The following LRBA variants were observed in gnomAD, a reference collection of about 807,000 sequenced individuals.
LRBA encodes the protein lipopolysaccharide-responsive and beige-like anchor protein.
In LRBA, 176 loss-of-function variants were observed where a neutral mutation model predicts 330.0. The ratio of observed to expected loss-of-function variants is 0.53; its 90% CI spans 0.47 to 0.60. LRBA has a LOEUF of 0.60. LRBA is among the 20% of genes least tolerant of loss of function. LRBA has a pLI of 0.00. For synonymous variants in LRBA, 1,230 were observed against 1,193.0 expected (o/e 1.03, Z -0.64); for missense variants, 3,259 against 3,444.8 (o/e 0.95, Z 1.35).
chr4:150,453,744 G>A (rs183194466), intron 44 of LRBA, among the ~76,000 whole-genome samples: 329 of 152,160 alleles, frequency 2.2e-3, no homozygotes, highest in Non-Finnish European at 3.1e-3. Flanking sequence ...CCCCTCAAGT[G>A]ACCAGAGCTC....
At chr4:150,849,767 C>T (rs1272722319) in intron 24 of LRBA, among the ~76,000 whole-genome samples, 192 bp from the exon 25 acceptor site, 3 of 152,162 alleles carry the variant, frequency 2.0e-5, no homozygotes, top group Non-Finnish European at 2.9e-5. Context: ...TAGTTACTAT[C>T]CATGCCCTCC....
At chr4:150,678,103 A>C (rs944824684) in intron 37 of LRBA, among the ~76,000 whole-genome samples, 2 of 151,876 alleles carry the variant, frequency 1.3e-5, no homozygotes, top group Non-Finnish European at 2.9e-5. Context: ...TCAGCTTAGC[A>C]TGGGGCACAC....
chr4:150,425,065 C>A (rs562029429), intron 46 of LRBA, among the ~76,000 whole-genome samples: 1 of 152,140 alleles, frequency 6.6e-6, no homozygotes, highest in Non-Finnish European at 1.5e-5. Flanking sequence ...AGTAGAATTC[C>A]ATTTTAATAC....
chr4:150,715,533 G>A (rs971301483), intron 36 of LRBA, among the ~76,000 whole-genome samples: 1 of 152,094 alleles, frequency 6.6e-6, no homozygotes, highest in Non-Finnish European at 1.5e-5. Context: ...GCCAACAAAA[G>A]CAGACATTTA....
chr4:150,278,772 C>A (rs1286064043), intron 55 of LRBA, among the ~76,000 whole-genome samples: 2 of 152,100 alleles, frequency 1.3e-5, no homozygotes, highest in African/African-American at 4.8e-5. Flanking sequence ...TTGAATTTTT[C>A]ATGACACATG....
intron 37 of LRBA, among the ~76,000 whole-genome samples, chr4:150,680,582 A>G (rs1782964979): frequency 6.6e-6 from 1 of 152,238 alleles, no homozygotes; most frequent in Admixed American, 6.5e-5. Flanking sequence ...TCTACCAACT[A>G]TAACATGTTC....
chr4:150,400,658 A>G (rs947927934), intron 47 of LRBA, among the ~76,000 whole-genome samples: 1 of 152,140 alleles, frequency 6.6e-6, no homozygotes, highest in African/African-American at 2.4e-5. Context: ...GTTTGAGACC[A>G]GCCTGAGCAA....
chr4:150,581,482 T>C (rs1771322962), intron 40 of LRBA: 1 of 289,426 alleles, frequency 3.5e-6, no homozygotes, highest in Non-Finnish European at 6.9e-6. Context: ...CCCATTTGCC[T>C]TCAAGCCAAA....
chr4:150,739,838 A>G (rs1029557813), intron 35 of LRBA, among the ~76,000 whole-genome samples: 1 of 152,156 alleles, frequency 6.6e-6, no homozygotes, highest in African/African-American at 2.4e-5. Context: ...CCTGCCAACA[A>G]TCACATGATC....
At chr4:150,696,677 A>G (rs776041173) in intron 36 of LRBA, among the ~76,000 whole-genome samples, 8 of 152,120 alleles carry the variant, frequency 5.3e-5, no homozygotes, top group Non-Finnish European at 1.2e-4. Flanking sequence ...TATAGACAGT[A>G]TGTTTGGAAA....
At chr4:150,554,957 C>G (rs1581659316) in intron 40 of LRBA, among the ~76,000 whole-genome samples, 1 of 151,902 alleles carries the variant, frequency 6.6e-6, no homozygotes, top group African/African-American at 2.4e-5. Flanking sequence ...TTTTGGAAAG[C>G]CTAGAGATAC....
chr4:150,960,375 A>G (rs1738014508), intron 2 of LRBA, among the ~76,000 whole-genome samples: 1 of 149,040 alleles, frequency 6.7e-6, no homozygotes, highest in Non-Finnish European at 1.5e-5. Context: ...AAACTACACC[A>G]TGAATATGCA....
At chr4:150,857,833 T>C (rs1311960582) in intron 22 of LRBA, among the ~76,000 whole-genome samples, 6 of 152,186 alleles carry the variant, frequency 3.9e-5, no homozygotes, top group African/African-American at 7.2e-5. Context: ...TCTGATAACA[T>C]TCAAATGTTA....
intron 40 of LRBA, among the ~76,000 whole-genome samples, chr4:150,554,185 C>T (rs916306732): frequency 6.6e-6 from 1 of 152,140 alleles, no homozygotes; most frequent in Non-Finnish European, 1.5e-5. Flanking sequence ...CTTCCTGTAC[C>T]AATTTTGCCA....
At chr4:150,282,236 T>C (rs976320389) in intron 55 of LRBA, among the ~76,000 whole-genome samples, 5 of 152,246 alleles carry the variant, frequency 3.3e-5, no homozygotes, top group Non-Finnish European at 7.3e-5. Context: ...CGTCCTCAGC[T>C]GCGCTGAGTG....
In LRBA at chr4:150,373,170, TGTGAGAGAGA is replaced by T. The variant is rs1740710097; in HGVS notation, c.7195-23021_7195-23012del. Among the ~76,000 whole-genome samples, 3 of 111,488 alleles carry T rather than the reference TGTGAGAGAGA, an allele frequency of 2.7e-5. No individual in the cohort carries two copies. In the Admixed American group the frequency reaches 2.9e-4, roughly 11 times the overall value. 73.1% of individuals were successfully genotyped at this position (111,488 alleles called of 152,430 possible). A position where few individuals can be genotyped will look rare whatever the true frequency, so the allele number is the denominator to read the frequency against. On this transcript the variant is annotated intron_variant, in intron 47 of 56. Coordinates refer to ENST00000651943, the MANE Select transcript of LRBA (RefSeq NM_001364905.1). ...GTGTGTGTGTGTGTGTGTGTGTGTG[TGTGAGAGAGA>T]GAGAGAGAGAGAGAGAGAGAGACTA...
intron 50 of LRBA, among the ~76,000 whole-genome samples, chr4:150,320,628 G>A (rs183244678): frequency 2.5e-4 from 38 of 151,888 alleles, no homozygotes; most frequent in Non-Finnish European, 4.0e-4. Context: ...GCAACATAGC[G>A]AGCCCATCTC....
At chr4:150,607,692 T>G (rs775516826) in intron 37 of LRBA, among the ~76,000 whole-genome samples, 7 of 151,368 alleles carry the variant, frequency 4.6e-5, no homozygotes, top group Non-Finnish European at 1.0e-4. Flanking sequence ...ACTTGAGCCG[T>G]GGAGTTCAAG....
intron 40 of LRBA, among the ~76,000 whole-genome samples, chr4:150,546,170 A>C (rs1765838617): frequency 6.6e-6 from 1 of 152,214 alleles, no homozygotes; most frequent in African/African-American, 2.4e-5. Context: ...AAATCATACT[A>C]TTCAACTAAA....
Sources: allele counts gnomAD v4.1 joint callset (sites outside exome capture counted in the v4.1 genomes callset), GRCh38; gene constraint gnomAD v4.1.1; transcripts MANE v1.5; gene names NCBI Gene and HGNC (gene_info 2026-07-23, HGNC 2026-07-21).